The following WWOX variants were observed in gnomAD, a reference collection of about 807,000 sequenced individuals.
WWOX encodes WW domain-containing oxidoreductase.
WWOX carries 69 observed loss-of-function variants against 46.2 expected under a neutral mutation model. That is an observed-to-expected ratio of 1.49 (90% CI 1.23 to 1.82). The LOEUF (loss-of-function observed/expected upper bound fraction) is 1.82. WWOX is among the 40% of genes most tolerant of loss of function. The pLI, the probability that WWOX is intolerant of heterozygous loss-of-function variation, is 0.00. For synonymous variants in WWOX, 359 were observed against 202.6 expected (o/e 1.77, Z -6.56); for missense variants, 919 against 542.6 (o/e 1.69, Z -6.89).
At chr16:78,749,203 A>G (rs961063151) in intron 8 of WWOX, among the ~76,000 whole-genome samples, 2 of 152,216 alleles carry the variant, frequency 1.3e-5, no homozygotes, top group South Asian at 2.1e-4. Flanking sequence ...TGTGCCATGC[A>G]TCACACACAG....
At chr16:79,098,202 G>C (rs1314224041) in intron 8 of WWOX, among the ~76,000 whole-genome samples, 3 of 152,210 alleles carry the variant, frequency 2.0e-5, no homozygotes, top group African/African-American at 7.2e-5. Context: ...ACCATCCAGA[G>C]AGACATTCAT....
chr16:78,648,977 ATTTG>A (rs760306683), intron 8 of WWOX, among the ~76,000 whole-genome samples: 3 of 151,402 alleles, frequency 2.0e-5, no homozygotes, highest in South Asian at 2.1e-4. Flanking sequence ...TTGCTTATTT[ATTTG>A]TTTATTTTTT....
chr16:78,474,337 A>G (rs2084305325), intron 8 of WWOX, among the ~76,000 whole-genome samples: 1 of 152,206 alleles, frequency 6.6e-6, no homozygotes, highest in Non-Finnish European at 1.5e-5. Flanking sequence ...TTTCTGTAGG[A>G]CGCCAATAGC....
At chr16:78,152,096 A>G (rs1597274680) in intron 4 of WWOX, among the ~76,000 whole-genome samples, 1 of 152,026 alleles carries the variant, frequency 6.6e-6, no homozygotes, top group South Asian at 2.1e-4. Flanking sequence ...AGGCTGAGGC[A>G]GGAGAGTGGC....
At chr16:78,293,622 T>C (rs1453263680) in intron 5 of WWOX, among the ~76,000 whole-genome samples, 7 of 152,066 alleles carry the variant, frequency 4.6e-5, no homozygotes, top group African/African-American at 1.7e-4. Flanking sequence ...TTCAGTCTGA[T>C]CCGGTCAATT....
intron 8 of WWOX, among the ~76,000 whole-genome samples, chr16:78,760,501 A>G (rs934526531): frequency 1.3e-5 from 2 of 152,180 alleles, no homozygotes; most frequent in Non-Finnish European, 2.9e-5. Context: ...AGCAAGAAAC[A>G]TTACTCAGCC....
At chr16:78,464,348 A>T (rs74973046) in intron 8 of WWOX, among the ~76,000 whole-genome samples, 8,216 of 146,932 alleles carry the variant, frequency 0.056, 611 homozygotes, top group African/African-American at 0.19. Context: ...GAAGAGAGAG[A>T]AGGAGGAAGA....
intron 8 of WWOX, among the ~76,000 whole-genome samples, chr16:79,141,933 G>C (rs1446327165): frequency 6.6e-6 from 1 of 152,160 alleles, no homozygotes; most frequent in Non-Finnish European, 1.5e-5. Flanking sequence ...ACTCTCCAGT[G>C]CTTCTTGGCT....
Position 79,005,055 on chromosome 16 carries a change from C to G in WWOX, c.1057-206553C>G, listed in dbSNP as rs13333180. On this transcript the variant is annotated intron_variant, in intron 8 of 8. Coordinates refer to ENST00000566780, the MANE Select transcript of WWOX (RefSeq NM_016373.4). ...AGCACAAATGTGCTTGTTTTTGGAT[C>G]AGCCCCTGTACTGGGCACATGGATG... Among the ~76,000 whole-genome samples, 451 of 152,210 alleles carry G rather than the reference C, an allele frequency of 3.0e-3. 2 individuals are homozygous for G. The highest frequency in any genetic ancestry group is 0.01 in the African/African-American group (435 of 41,534).
intron 5 of WWOX, among the ~76,000 whole-genome samples, chr16:78,334,916 T>TG (rs2080850280): frequency 3.9e-5 from 5 of 129,798 alleles, no homozygotes; most frequent in African/African-American, 1.7e-4. Context: ...GGAGATACCA[T>TG]CTTTTTTTAA....
At chr16:79,147,140 C>T (rs1008173276) in intron 8 of WWOX, among the ~76,000 whole-genome samples, 1 of 152,134 alleles carries the variant, frequency 6.6e-6, no homozygotes, top group African/African-American at 2.4e-5. Flanking sequence ...TAGTTTTATA[C>T]AGTGTCATCA....
chr16:78,126,362 C>T (rs562632360), intron 4 of WWOX, among the ~76,000 whole-genome samples: 2 of 152,322 alleles, frequency 1.3e-5, no homozygotes, highest in East Asian at 3.9e-4. Flanking sequence ...TTGAATGCTC[C>T]TTTGCCCAGC....
intron 8 of WWOX, among the ~76,000 whole-genome samples, chr16:79,053,619 C>A (rs1397735333): frequency 6.6e-6 from 1 of 152,150 alleles, no homozygotes; most frequent in Non-Finnish European, 1.5e-5. Context: ...ATATTCCGAT[C>A]ACTTTAATTT....
chr16:78,339,366 GAA>G lies in WWOX; in HGVS notation c.517-47480_517-47479del, dbSNP rs373351631. 3.5e-4 allele frequency among the ~76,000 whole-genome samples: 25 copies of G among 70,916 alleles called. 6 individuals are homozygous for G. Among genetic ancestry groups the G allele is most frequent in the Admixed American group, 9.5e-4 (7 of 7,388 alleles). 46.5% of individuals were successfully genotyped at this position (70,916 alleles called of 152,430 possible). On this transcript the variant is annotated intron_variant, in intron 5 of 8. Transcript: ENST00000566780. ...GTCTAAATCTCAGTTCCTTTTATTA[GAA>G]AAAAAAAAAAAAACAACTCCCCTGG...
intron 8 of WWOX, among the ~76,000 whole-genome samples, chr16:78,560,079 G>A (rs952930041): frequency 3.3e-5 from 5 of 152,066 alleles, no homozygotes; most frequent in Non-Finnish European, 7.3e-5. Context: ...AATTTACAAG[G>A]CCATTTTTTT....
Position 78,930,989 on chromosome 16 carries a change from C to G in WWOX, c.1057-280619C>G, listed in dbSNP as rs140274072. Among the ~76,000 whole-genome samples, 8 of 152,272 alleles carry G rather than the reference C, an allele frequency of 5.3e-5. No individual in the cohort carries two copies. The East Asian group carries it at 1.4e-3, about 26-fold the overall frequency. ...TCACTAGCAGCCTCAGTTTCCTCAT[C>G]CATAAGATGGGGATAGCAATATCTA... On this transcript the variant is annotated intron_variant, in intron 8 of 8. Transcript: ENST00000566780.
intron 8 of WWOX, among the ~76,000 whole-genome samples, chr16:78,795,102 G>A (rs1046403759): frequency 6.6e-6 from 1 of 152,136 alleles, no homozygotes; most frequent in Non-Finnish European, 1.5e-5. Context: ...GGGTGGTGTT[G>A]GTGGTGGAGG....
chr16:78,505,699 C>G (rs141292045), intron 8 of WWOX, among the ~76,000 whole-genome samples: 315 of 150,416 alleles, frequency 2.1e-3, no homozygotes, highest in Non-Finnish European at 3.3e-3. Flanking sequence ...GGCCATGCCT[C>G]TCTGCTCTCC....
At chr16:78,867,277 G>A (rs16948645) in intron 8 of WWOX, among the ~76,000 whole-genome samples, 10,067 of 152,134 alleles carry the variant, frequency 0.066, 733 homozygotes, top group East Asian at 0.37. Flanking sequence ...GTTAACAGAA[G>A]AAAAGAATAC....
Sources: gnomAD v4.1 joint callset for allele counts (sites outside exome capture counted in the v4.1 genomes callset) on GRCh38, gnomAD v4.1.1 for gene constraint, MANE v1.5 for transcripts, NCBI Gene and HGNC (gene_info 2026-07-23, HGNC 2026-07-21) for gene names.